The following STIM1 variants were observed in gnomAD, a reference collection of about 807,000 sequenced individuals.
STIM1 encodes stromal interaction molecule 1.
STIM1 carries 25 observed loss-of-function variants against 74.7 expected under a neutral mutation model. The ratio of observed to expected loss-of-function variants is 0.33; its 90% CI spans 0.24 to 0.47. The LOEUF is 0.47. STIM1 is among the 20% of genes least tolerant of loss of function. The pLI, the probability that STIM1 is intolerant of heterozygous loss-of-function variation, is 1.00. For missense variants in STIM1, 728 were observed against 920.8 expected (o/e 0.79, Z 2.71); for synonymous variants, 328 against 348.8 (o/e 0.94, Z 0.66).
At position 4,020,862 on chromosome 11, in the gene STIM1, C is replaced by T. The variant is rs75832171; in HGVS notation, c.271-3011C>T. Among the ~76,000 whole-genome samples the T allele has an allele frequency of 1.1e-3, 171 of 152,216 alleles. 1 individual carries two copies. Among genetic ancestry groups the T allele is most frequent in the African/African-American group, 3.9e-3 (163 of 41,524 alleles). ...AAGTGATCCTCCCACTTTCGCTTCC[C>T]AAAGTGCCGTGATTACAGGCATGAA... On this transcript the variant is annotated intron_variant, in intron 2 of 12. Coordinates refer to ENST00000526596, the MANE Select transcript of STIM1 (RefSeq NM_001382567.1).
intron 2 of STIM1, among the ~76,000 whole-genome samples, chr11:3,995,790 G>A (rs2093657835): frequency 6.6e-6 from 1 of 150,546 alleles, no homozygotes; most frequent in African/African-American, 2.4e-5. Context: ...GACCACAGGT[G>A]TGTGCTACTA....
chr11:3,905,704 A>T (rs2092454682), intron 1 of STIM1, among the ~76,000 whole-genome samples: 1 of 152,256 alleles, frequency 6.6e-6, no homozygotes, highest in Non-Finnish European at 1.5e-5. Context: ...CCAAATGCAG[A>T]AACAGATGAG....
chr11:3,857,871 C>T (rs948386874), intron 1 of STIM1, among the ~76,000 whole-genome samples: 1 of 152,150 alleles, frequency 6.6e-6, no homozygotes, highest in Non-Finnish European at 1.5e-5. Flanking sequence ...GCCAGGGTTG[C>T]CCATGTGTAA....
chr11:3,922,557 T>G (rs1301247997), intron 1 of STIM1: 1 of 152,586 alleles, frequency 6.6e-6, no homozygotes, highest in Non-Finnish European at 1.5e-5. Flanking sequence ...TTGTGCCCTG[T>G]AAGAAATCTG....
intron 7 of STIM1, 90 bp from the exon 8 acceptor site, chr11:4,082,093 CA>C (rs1452587692): frequency 7.6e-7 from 1 of 1,308,538 alleles, no homozygotes; most frequent in Non-Finnish European, 1.1e-6. Context: ...AGTTGTAAAG[CA>C]GATAAGAAGT....
intron 1 of STIM1, among the ~76,000 whole-genome samples, chr11:3,917,349 A>G (rs1243126250): frequency 6.6e-6 from 1 of 152,080 alleles, no homozygotes; most frequent in Non-Finnish European, 1.5e-5. Context: ...CTTGATTTCA[A>G]GTTGGATGAC....
At chr11:4,059,566 C>A (rs533020399) in intron 5 of STIM1, among the ~76,000 whole-genome samples, 170 bp downstream of exon 5, 1 of 152,174 alleles carries the variant, frequency 6.6e-6, no homozygotes, top group East Asian at 1.9e-4. Context: ...AGTCCAGACA[C>A]GTAGCAACAT....
intron 2 of STIM1, among the ~76,000 whole-genome samples, chr11:3,984,144 G>T (rs572964689): frequency 5.9e-5 from 9 of 152,202 alleles, no homozygotes; most frequent in Admixed American, 5.2e-4. Context: ...GGGACTACAG[G>T]TGTGAGCAAC....
At chr11:3,973,009 C>A in intron 2 of STIM1, 3 of 498,818 alleles carry the variant, frequency 6.0e-6, no homozygotes, top group South Asian at 4.4e-5. Flanking sequence ...AACAAAGCTG[C>A]TTCTGCCTCC....
intron 11 of STIM1, among the ~76,000 whole-genome samples, chr11:4,085,034 T>C (rs967690918): frequency 7.9e-5 from 12 of 152,178 alleles, no homozygotes; most frequent in African/African-American, 2.7e-4. Context: ...GTAGCCCTTC[T>C]TCCATCTGGG....
intron 1 of STIM1, among the ~76,000 whole-genome samples, chr11:3,919,844 G>A (rs2092695766): frequency 6.6e-6 from 1 of 152,152 alleles, no homozygotes; most frequent in Admixed American, 6.5e-5. Flanking sequence ...TTGGGATGCT[G>A]AAGTGGGAGG....
At chr11:4,050,035 A>G (rs1590674063) in intron 3 of STIM1, among the ~76,000 whole-genome samples, 1 of 152,286 alleles carries the variant, frequency 6.6e-6, no homozygotes, top group East Asian at 1.9e-4. Context: ...TGTTGTTGTT[A>G]TTAACATTAT....
At chr11:3,989,436 C>T in intron 2 of STIM1, 1 of 718,222 alleles carries the variant, frequency 1.4e-6, no homozygotes, top group Non-Finnish European at 2.6e-6. Context: ...CGGCCCCTTC[C>T]GCGGAGCTGA....
intron 5 of STIM1, among the ~76,000 whole-genome samples, chr11:4,068,358 A>C (rs1383302549): frequency 6.6e-6 from 1 of 152,194 alleles, no homozygotes; most frequent in East Asian, 1.9e-4. Flanking sequence ...TTGTTTGAAT[A>C]AGGATACCTT....
chr11:3,941,125 G>C (rs968624402), intron 1 of STIM1, among the ~76,000 whole-genome samples: 7 of 152,140 alleles, frequency 4.6e-5, no homozygotes, highest in African/African-American at 1.7e-4. Flanking sequence ...CACATGTGAG[G>C]TGCTATAATT....
intron 1 of STIM1, among the ~76,000 whole-genome samples, chr11:3,873,966 C>T (rs1397060382): frequency 6.6e-6 from 1 of 152,146 alleles, no homozygotes; most frequent in Non-Finnish European, 1.5e-5. Context: ...TAAGGTTGGA[C>T]TAATTAAAAT....
At chr11:4,051,926 A>G (rs1000635772) in intron 3 of STIM1, among the ~76,000 whole-genome samples, 1 of 152,234 alleles carries the variant, frequency 6.6e-6, no homozygotes, top group Non-Finnish European at 1.5e-5. Flanking sequence ...TACAAAATCA[A>G]TGTGCAAAAA....
At position 4,087,445 on chromosome 11, in the gene STIM1, A is replaced by G. The variant is rs184755442; in HGVS notation, c.1634+902A>G. On this transcript the variant is annotated intron_variant, in intron 12 of 12. Coordinates refer to ENST00000526596, the MANE Select transcript of STIM1 (RefSeq NM_001382567.1). ...AAAGAGTATTCTAGGCAGAGGAAAC[A>G]CTGTATGCAGAGACATGGAGATTCC... Among the ~76,000 whole-genome samples the G allele has an allele frequency of 2.1e-3, 327 of 152,240 alleles. 4 individuals carry two copies. Among genetic ancestry groups the G allele is most frequent in the African/African-American group, 7.5e-3 (312 of 41,540 alleles).
At chr11:4,045,197 T>G (rs2133021492) in intron 3 of STIM1, among the ~76,000 whole-genome samples, 1 of 152,104 alleles carries the variant, frequency 6.6e-6, no homozygotes, top group East Asian at 1.9e-4. Context: ...GTAGCCTTCT[T>G]TCCACTACAC....
Sources: gnomAD v4.1 joint callset for allele counts (sites outside exome capture counted in the v4.1 genomes callset) on GRCh38, gnomAD v4.1.1 for gene constraint, MANE v1.5 for transcripts, NCBI Gene and HGNC (gene_info 2026-07-23, HGNC 2026-07-21) for gene names.